The following GALNTL6 variants were observed in gnomAD, a reference collection of about 807,000 sequenced individuals.
GALNTL6 encodes the protein polypeptide N-acetylgalactosaminyltransferase like 6, also known as polypeptide N-acetylgalactosaminyltransferase-like 6.
A neutral mutation model predicts 73.7 loss-of-function variants in GALNTL6; 46 were observed. The ratio of observed to expected loss-of-function variants is 0.62; its 90% CI spans 0.49 to 0.80. The LOEUF (loss-of-function observed/expected upper bound fraction) is 0.80. GALNTL6 is among the 30% of genes least tolerant of loss of function. The probability of loss-of-function intolerance (pLI) is 0.00; values close to 1 mark genes in which losing one functional copy is unlikely to be tolerated. For synonymous variants in GALNTL6, 259 were observed against 263.7 expected, an observed-to-expected ratio of 0.98 and a Z score of 0.17; for missense variants, 604 against 755.0, an observed-to-expected ratio of 0.80 and a Z score of 2.34.
chr4:172,704,417 A>AT (rs1329364029), intron 5 of GALNTL6, among the ~76,000 whole-genome samples: 3 of 151,588 alleles, frequency 2.0e-5, no homozygotes, highest in Non-Finnish European at 3.0e-5. Context: ...GTTTCAAAAC[A>AT]TTTTTTTTAA....
intron 2 of GALNTL6, among the ~76,000 whole-genome samples, chr4:172,078,450 G>T (rs1731779116): frequency 6.6e-6 from 1 of 152,154 alleles, no homozygotes; most frequent in Non-Finnish European, 1.5e-5. Context: ...AAATTACACA[G>T]TCTCAGGTAC....
intron 5 of GALNTL6, among the ~76,000 whole-genome samples, chr4:172,750,265 T>C (rs1401437663): frequency 6.6e-6 from 1 of 152,198 alleles, no homozygotes; most frequent in Non-Finnish European, 1.5e-5. Context: ...GACATATTTT[T>C]CAAGGAAAAA....
intron 3 of GALNTL6, among the ~76,000 whole-genome samples, chr4:172,287,624 G>A (rs1739309482): frequency 1.3e-5 from 2 of 152,156 alleles, no homozygotes; most frequent in Non-Finnish European, 2.9e-5. Flanking sequence ...CAGAGTGCTG[G>A]ATTCTGTCAG....
At chr4:172,909,221 A>G (rs949054543) in intron 8 of GALNTL6, among the ~76,000 whole-genome samples, 2 of 151,846 alleles carry the variant, frequency 1.3e-5, no homozygotes, top group Non-Finnish European at 2.9e-5. Context: ...AAGAAGACAA[A>G]TCATTTTAAG....
At chr4:172,038,774 GAA>G (rs1475261052) in intron 2 of GALNTL6, among the ~76,000 whole-genome samples, 1 of 152,114 alleles carries the variant, frequency 6.6e-6, no homozygotes, top group East Asian at 1.9e-4. Flanking sequence ...ATGGATAAGT[GAA>G]AGAGAGTTGG....
chr4:172,712,761 G>A (rs894755310), intron 5 of GALNTL6, among the ~76,000 whole-genome samples: 1 of 152,152 alleles, frequency 6.6e-6, no homozygotes, highest in Admixed American at 6.5e-5. Flanking sequence ...CTGGAACACT[G>A]TATGCCTTGC....
At chr4:172,431,679 G>A (rs1371380028) in intron 5 of GALNTL6, among the ~76,000 whole-genome samples, 1 of 152,000 alleles carries the variant, frequency 6.6e-6, no homozygotes, top group Non-Finnish European at 1.5e-5. Flanking sequence ...TTAATTTGTG[G>A]AAGATTTCAT....
chr4:172,474,605 A>G (rs577542284), intron 5 of GALNTL6, among the ~76,000 whole-genome samples: 5 of 152,306 alleles, frequency 3.3e-5, no homozygotes, highest in African/African-American at 9.6e-5. Flanking sequence ...GTTCATATAT[A>G]AGAGTGAAGA....
intron 5 of GALNTL6, among the ~76,000 whole-genome samples, chr4:172,515,831 G>A (rs1016410521): frequency 2.6e-5 from 4 of 152,156 alleles, no homozygotes; most frequent in African/African-American, 9.7e-5. Context: ...AGTTCTGAAG[G>A]AGAACTCAGG....
Position 172,002,319 on chromosome 4 carries a change from C to T in GALNTL6, c.138+187601C>T, listed in dbSNP as rs1579048618. 2.0e-5 allele frequency among the ~76,000 whole-genome samples: 3 copies of T among 151,996 alleles called. No individual in the cohort carries two copies. The South Asian group carries it at 6.2e-4, about 32-fold the overall frequency. On this transcript the variant is annotated intron_variant, in intron 2 of 12. Coordinates refer to ENST00000506823, the MANE Select transcript of GALNTL6 (RefSeq NM_001034845.3). ...AGCCCTTACTAATGCAATTAGTGCC[C>T]TTATAAAAGAGGCCTCTGAGAGATA...
At chr4:172,575,688 A>C (rs1307681962) in intron 5 of GALNTL6, among the ~76,000 whole-genome samples, 1 of 152,156 alleles carries the variant, frequency 6.6e-6, no homozygotes, top group Non-Finnish European at 1.5e-5. Context: ...ACTGTTTTCA[A>C]ATTTTGACTT....
chr4:172,503,500 TC>T lies in GALNTL6; in HGVS notation c.553+154812del, dbSNP rs1734334630. On this transcript the variant is annotated intron_variant, in intron 5 of 12. Coordinates refer to ENST00000506823, the MANE Select transcript of GALNTL6 (RefSeq NM_001034845.3). ...ATCATGAGTGCTTAAACTATATATA[TC>T]TAGTTTGAACATGTACATAGAGTAG... Among the ~76,000 whole-genome samples the T allele has an allele frequency of 2.3e-5, 3 of 129,320 alleles. No homozygotes were observed. In the South Asian group the frequency reaches 7.0e-4, roughly 30 times the overall value. The allele number at this position is 129,320 out of a possible 152,430, so 84.8% of individuals were successfully genotyped here. A position where few individuals can be genotyped will look rare whatever the true frequency, so the allele number is the denominator to read the frequency against.
chr4:172,518,004 G>T (rs981145729), intron 5 of GALNTL6, among the ~76,000 whole-genome samples: 1 of 152,020 alleles, frequency 6.6e-6, no homozygotes, highest in Non-Finnish European at 1.5e-5. Context: ...GGCAAGCACA[G>T]TTATTGAATT....
At chr4:172,648,350 T>C (rs1228406204) in intron 5 of GALNTL6, among the ~76,000 whole-genome samples, 1 of 152,142 alleles carries the variant, frequency 6.6e-6, no homozygotes, top group Non-Finnish European at 1.5e-5. Flanking sequence ...GATTGCTTGT[T>C]AGGATGTCCA....
intron 5 of GALNTL6, among the ~76,000 whole-genome samples, chr4:172,576,717 A>G (rs997479140): frequency 6.6e-6 from 1 of 152,198 alleles, no homozygotes; most frequent in Non-Finnish European, 1.5e-5. Context: ...TGTATCAGGA[A>G]CTTAGTAAAT....
At chr4:172,827,799 A>C (rs906062071) in intron 7 of GALNTL6, among the ~76,000 whole-genome samples, 3 of 152,150 alleles carry the variant, frequency 2.0e-5, no homozygotes, top group Non-Finnish European at 2.9e-5. Context: ...CAAATGCAAC[A>C]AGAAAAATAA....
chr4:172,358,881 A>G (rs901489986), intron 5 of GALNTL6, among the ~76,000 whole-genome samples: 2 of 117,910 alleles, frequency 1.7e-5, no homozygotes, highest in Non-Finnish European at 3.7e-5. Flanking sequence ...AAAAAAAAAA[A>G]ACAGAGGCTG....
At chr4:172,164,329 A>G (rs977081641) in intron 2 of GALNTL6, among the ~76,000 whole-genome samples, 1 of 152,040 alleles carries the variant, frequency 6.6e-6, no homozygotes, top group Non-Finnish European at 1.5e-5. Context: ...TATACATTTA[A>G]TCAAAATATT....
chr4:172,613,725 T>G (rs536792926), intron 5 of GALNTL6, among the ~76,000 whole-genome samples: 18 of 152,288 alleles, frequency 1.2e-4, no homozygotes, highest in African/African-American at 4.3e-4. Context: ...TACTTAAACA[T>G]TATGCTGAAA....
Sources: gnomAD v4.1 joint callset for allele counts (sites outside exome capture counted in the v4.1 genomes callset) on GRCh38, gnomAD v4.1.1 for gene constraint, MANE v1.5 for transcripts, NCBI Gene and HGNC (gene_info 2026-07-23, HGNC 2026-07-21) for gene names.